The following NDUFAF2 variants were observed in gnomAD, a reference collection of about 807,000 sequenced individuals.
NDUFAF2 encodes the protein NADH:ubiquinone oxidoreductase complex assembly factor 2.
A neutral mutation model predicts 22.8 loss-of-function variants in NDUFAF2; 13 were observed. That is an observed-to-expected ratio of 0.57 (90% CI 0.37 to 0.91). The LOEUF (loss-of-function observed/expected upper bound fraction) is 0.91. Ranked by LOEUF, NDUFAF2 falls within the 40% of genes least tolerant of loss-of-function variation. NDUFAF2 has a pLI of 0.01. For synonymous variants in NDUFAF2, 53 were observed against 64.2 expected (o/e 0.83, Z 0.84); for missense variants, 162 against 195.2 (o/e 0.83, Z 1.01).
chr5:61,091,801 G>A (rs1388427841), intron 2 of NDUFAF2, among the ~76,000 whole-genome samples: 1 of 152,116 alleles, frequency 6.6e-6, no homozygotes, highest in Non-Finnish European at 1.5e-5. Flanking sequence ...TATTGCCTAA[G>A]TTGTCTTCCG....
intron 1 of NDUFAF2, among the ~76,000 whole-genome samples, chr5:60,956,638 A>G (rs2112565293): frequency 6.6e-6 from 1 of 152,256 alleles, no homozygotes; most frequent in South Asian, 2.1e-4. Context: ...TTGATTTGGT[A>G]TATCACATTG....
Position 60,945,336 on chromosome 5 carries a change from A to T in NDUFAF2, c.81A>T (p.Gln27His). 6.2e-7 allele frequency: 1 copy of T among 1,614,172 alleles called. No individual in the cohort carries two copies. Among genetic ancestry groups the T allele is most frequent in the Non-Finnish European group, 8.5e-7 (1 of 1,180,014 alleles). Residue 27 changes from glutamine (Q) to histidine (H), a missense_variant, in exon 1 of 4, where the codon CAA (glutamine) becomes CAT (histidine). Around this residue, in one of 2 missense-constraint regions of NDUFAF2, gnomAD observed 94 missense variants for 85.2 expected, o/e 1.10. Coordinates refer to ENST00000296597, the MANE Select transcript of NDUFAF2 (RefSeq NM_174889.5). ...REVKEHVGTDQFGNKYYYIPQ... is the reference protein window; with the variant it reads ...REVKEHVGTDHFGNKYYYIPQ... The stretch of plus-strand genomic sequence containing the variant: ...TGAAGGAGCACGTGGGCACGGACCA[A>T]TTCGGGAACAAATACTACTACATCC...
At chr5:61,146,134 T>C (rs1268634927) in intron 3 of NDUFAF2, 2 of 152,222 alleles carry the variant, frequency 1.3e-5, no homozygotes, top group Non-Finnish European at 2.9e-5. Context: ...AACAGCCCTT[T>C]TGTCTCAGGC....
intron 3 of NDUFAF2, among the ~76,000 whole-genome samples, chr5:61,150,824 C>T (rs1561140806): frequency 1.3e-5 from 2 of 152,164 alleles, no homozygotes; most frequent in East Asian, 1.9e-4. Context: ...TTTTTGTCTA[C>T]TTCCACTATT....
intron 1 of NDUFAF2, among the ~76,000 whole-genome samples, chr5:61,005,465 G>A (rs1406600589): frequency 1.3e-5 from 2 of 152,120 alleles, no homozygotes; most frequent in Non-Finnish European, 2.9e-5. Context: ...TAATGGGATG[G>A]CTGGGTCAAA....
At chr5:61,140,371 C>T (rs1046298460) in intron 3 of NDUFAF2, among the ~76,000 whole-genome samples, 24 of 152,278 alleles carry the variant, frequency 1.6e-4, no homozygotes, top group African/African-American at 5.5e-4. Context: ...GCCTGCTATC[C>T]GATTTCTCTG....
chr5:61,079,362 T>C (rs1048584759), intron 2 of NDUFAF2, among the ~76,000 whole-genome samples: 7 of 152,218 alleles, frequency 4.6e-5, no homozygotes, highest in African/African-American at 1.4e-4. Flanking sequence ...TCAAGACTTA[T>C]GTTATATCCA....
At chr5:61,103,081 G>A (rs561511939) in intron 3 of NDUFAF2, among the ~76,000 whole-genome samples, 2 of 152,266 alleles carry the variant, frequency 1.3e-5, no homozygotes, top group East Asian at 3.9e-4. Context: ...TGATCAAACA[G>A]TAATTCTCCC....
intron 1 of NDUFAF2, among the ~76,000 whole-genome samples, chr5:61,030,799 C>A (rs1751713351): frequency 6.6e-6 from 1 of 152,074 alleles, no homozygotes; most frequent in Admixed American, 6.6e-5. Context: ...AGATTACTTA[C>A]AATTCTTCAT....
intron 1 of NDUFAF2, among the ~76,000 whole-genome samples, chr5:61,068,624 C>A (rs1368908826): frequency 6.6e-6 from 1 of 151,842 alleles, no homozygotes; most frequent in Non-Finnish European, 1.5e-5. Flanking sequence ...TTATTTTTTT[C>A]TACTTTTTGG....
At chr5:61,080,679 G>A (rs749180558) in intron 2 of NDUFAF2, among the ~76,000 whole-genome samples, 3 of 151,276 alleles carry the variant, frequency 2.0e-5, no homozygotes, top group Non-Finnish European at 4.4e-5. Context: ...ATATCTTTTT[G>A]CCCAGAATTT....
intron 1 of NDUFAF2, among the ~76,000 whole-genome samples, chr5:60,959,707 T>C (rs1257467082): frequency 6.6e-6 from 1 of 152,106 alleles, no homozygotes; most frequent in Admixed American, 6.5e-5. Flanking sequence ...TAAAATACTT[T>C]GTTGACTATA....
chr5:61,025,795 AAAAT>A (rs1407917907), intron 1 of NDUFAF2, among the ~76,000 whole-genome samples: 13 of 152,102 alleles, frequency 8.5e-5, no homozygotes, highest in East Asian at 5.8e-4. Context: ...CACTAATTAC[AAAAT>A]AAATAAGTAA....
chr5:60,985,587 A>G (rs570932148), intron 1 of NDUFAF2, among the ~76,000 whole-genome samples: 1 of 152,144 alleles, frequency 6.6e-6, no homozygotes, highest in South Asian at 2.1e-4. Flanking sequence ...AGATTCTGGT[A>G]TGTTGTGTCT....
chr5:61,025,207 A>G (rs1751634701), intron 1 of NDUFAF2, among the ~76,000 whole-genome samples: 2 of 152,028 alleles, frequency 1.3e-5, no homozygotes, highest in South Asian at 4.1e-4. Context: ...ACATCTCCAT[A>G]ACCCCATGAC....
At chr5:61,059,024 A>C (rs1313324401) in intron 1 of NDUFAF2, among the ~76,000 whole-genome samples, 3 of 152,088 alleles carry the variant, frequency 2.0e-5, no homozygotes, top group Non-Finnish European at 4.4e-5. Flanking sequence ...GTTTTTCAAC[A>C]TAATATTCAA....
At position 61,146,883 on chromosome 5, in the gene NDUFAF2, T is replaced by A. The variant is rs78900397; in HGVS notation, c.259-5821T>A. 8.6e-3 allele frequency among the ~76,000 whole-genome samples: 1,316 copies of A among 152,306 alleles called. 21 individuals carry two copies. The highest frequency in any genetic ancestry group is 0.03 in the African/African-American group (1,262 of 41,576). On this transcript the variant is annotated intron_variant, in intron 3 of 3. Coordinates refer to ENST00000296597, the MANE Select transcript of NDUFAF2 (RefSeq NM_174889.5). ...TATTTTCCATTGTCTTATATTCAGA[T>A]TCACTGTTCTTCTACAAAGAAGCAC...
chr5:60,985,885 G>T (rs889540769), intron 1 of NDUFAF2, among the ~76,000 whole-genome samples: 1 of 152,070 alleles, frequency 6.6e-6, no homozygotes, highest in Non-Finnish European at 1.5e-5. Context: ...ATGAGATTTG[G>T]GTGGGGACAC....
intron 3 of NDUFAF2, among the ~76,000 whole-genome samples, chr5:61,142,457 G>A (rs1741073382): frequency 6.6e-6 from 1 of 152,106 alleles, no homozygotes; most frequent in African/African-American, 2.4e-5. Context: ...AGGAATCATT[G>A]AGATAGCCTT....
Sources: gnomAD v4.1 joint callset for allele counts (sites outside exome capture counted in the v4.1 genomes callset) on GRCh38, gnomAD v4.1.1 for gene constraint, gnomAD v4.1.1 regional missense constraint, MANE v1.5 for transcripts, NCBI Gene and HGNC (gene_info 2026-07-23, HGNC 2026-07-21) for gene names.